The following GBE1 variants were observed in gnomAD, a reference collection of about 807,000 sequenced individuals.
GBE1 encodes 1,4-alpha-glucan branching enzyme 1, also known as 1,4-alpha-glucan-branching enzyme.
Under a neutral mutation model 88.8 loss-of-function variants are expected in GBE1, and 70 were observed. The observed-to-expected ratio is 0.79, with a 90% CI of 0.65 to 0.96. The LOEUF (loss-of-function observed/expected upper bound fraction) is 0.96. Ranked by LOEUF, GBE1 falls within the 40% of genes least tolerant of loss-of-function variation. The pLI is 0.00. For synonymous variants in GBE1, 284 were observed against 300.1 expected (o/e 0.95, Z 0.56); for missense variants, 872 against 871.0 (o/e 1.00, Z -0.01).
chr3:81,748,351 C>A (rs1412989467), intron 1 of GBE1, among the ~76,000 whole-genome samples: 1 of 152,126 alleles, frequency 6.6e-6, no homozygotes, highest in African/African-American at 2.4e-5. Flanking sequence ...GTGGCTCACG[C>A]CTATAATTAC....
chr3:81,647,536 C>G (rs1704782185), intron 5 of GBE1, among the ~76,000 whole-genome samples: 1 of 151,950 alleles, frequency 6.6e-6, no homozygotes, highest in African/African-American at 2.4e-5. Flanking sequence ...CTTAAAAAAG[C>G]TAAGAAAAAC....
chr3:81,596,146 A>G (rs1026443972), intron 7 of GBE1, among the ~76,000 whole-genome samples: 2 of 151,980 alleles, frequency 1.3e-5, no homozygotes, highest in African/African-American at 4.8e-5. Flanking sequence ...CAAAATAGTA[A>G]AGAATAAAAA....
At chr3:81,697,301 CTTTT>C (rs774202162) in intron 2 of GBE1, among the ~76,000 whole-genome samples, 1 of 141,376 alleles carries the variant, frequency 7.1e-6, no homozygotes. Context: ...CAGACAACAT[CTTTT>C]TTTTTTTTTT....
intron 14 of GBE1, among the ~76,000 whole-genome samples, chr3:81,525,482 C>A (rs1166617719): frequency 6.6e-6 from 1 of 151,988 alleles, no homozygotes; most frequent in Non-Finnish European, 1.5e-5. Flanking sequence ...GGATATTGGT[C>A]TAAAATTCTC....
chr3:81,620,454 T>A (rs914246826), intron 7 of GBE1, among the ~76,000 whole-genome samples: 1 of 152,154 alleles, frequency 6.6e-6, no homozygotes, highest in Admixed American at 6.6e-5. Context: ...GACATGGAAA[T>A]AATTTTTAAT....
At chr3:81,529,554 T>A (rs1265677566) in intron 14 of GBE1, among the ~76,000 whole-genome samples, 1 of 152,084 alleles carries the variant, frequency 6.6e-6, no homozygotes, top group Non-Finnish European at 1.5e-5. Context: ...TTCTCCTTCA[T>A]ATTTGGAGGA....
chr3:81,683,878 A>G (rs1306600957), intron 2 of GBE1, among the ~76,000 whole-genome samples: 1 of 152,220 alleles, frequency 6.6e-6, no homozygotes, highest in Non-Finnish European at 1.5e-5. Flanking sequence ...TATATCAAAT[A>G]ATATACTCCC....
rs141368447 is a variant in GBE1, at chr3:81,641,982, T to C, written c.992+799A>G. On this transcript the variant is annotated intron_variant, in intron 7 of 15. Transcript: ENST00000429644. ...ATATGTATTATAAAAATATGTATTA[T>C]ACATTACTTGATACTTTGCTTTTAA... Among the ~76,000 whole-genome samples the C allele has an allele frequency of 4.7e-3, 707 of 150,690 alleles. 5 individuals are homozygous for C. Among genetic ancestry groups the C allele is most frequent in the African/African-American group, 0.016 (650 of 41,334 alleles).
intron 1 of GBE1, among the ~76,000 whole-genome samples, chr3:81,753,506 C>T (rs781221879): frequency 1.6e-4 from 24 of 152,182 alleles, no homozygotes; most frequent in Non-Finnish European, 3.1e-4. Flanking sequence ...GCATATTTCA[C>T]AGAGACAATA....
intron 2 of GBE1, among the ~76,000 whole-genome samples, chr3:81,676,679 TGTGCAGAAC>T (rs1705259879): frequency 6.6e-6 from 1 of 152,136 alleles, no homozygotes. Flanking sequence ...CTGGGATACA[TGTGCAGAAC>T]GTGCAGGTTT....
chr3:81,585,949 C>G, intron 10 of GBE1, 143 bp downstream of exon 10: 1 of 521,010 alleles, frequency 1.9e-6, no homozygotes, highest in Non-Finnish European at 3.3e-6. Flanking sequence ...TATTAAAAAG[C>G]ATAAGAATCG....
rs757655010 is a variant in GBE1 at position 81,646,488 on chromosome 3, T to C, written c.692-6A>G. Reference sequence around the variant, plus strand: ...CAACTGAATGCAGTTGTATCCTATATAAGGCAATGGTCAAATCTAAATTAA... The same window carrying C: ...CAACTGAATGCAGTTGTATCCTATACAAGGCAATGGTCAAATCTAAATTAA... On this transcript the variant is annotated splice_region_variant and splice_polypyrimidine_tract_variant and intron_variant, in intron 5 of 15. Transcript: ENST00000429644. 13 of 1,500,098 alleles carry C rather than the reference T, an allele frequency of 8.7e-6. No homozygotes were observed. The highest frequency in any genetic ancestry group is 1.2e-5 in the Non-Finnish European group (13 of 1,096,568). The allele number at this position is 1,500,098 out of a possible 1,614,324, so 92.9% of individuals were successfully genotyped here. A position where few individuals can be genotyped will look rare whatever the true frequency, so the allele number is the denominator to read the frequency against.
chr3:81,492,161 C>G (rs1702444731), intron 15 of GBE1, among the ~76,000 whole-genome samples: 1 of 152,208 alleles, frequency 6.6e-6, no homozygotes, highest in Non-Finnish European at 1.5e-5. Flanking sequence ...AATATTACAT[C>G]CATGTAGTCA....
At chr3:81,711,262 A>C (rs1221565953) in intron 1 of GBE1, among the ~76,000 whole-genome samples, 1 of 152,214 alleles carries the variant, frequency 6.6e-6, no homozygotes, top group African/African-American at 2.4e-5. Context: ...GCTGATTTTT[A>C]AGATTTTATT....
chr3:81,681,985 A>C (rs1175847726), intron 2 of GBE1, among the ~76,000 whole-genome samples: 2 of 152,246 alleles, frequency 1.3e-5, no homozygotes, highest in Non-Finnish European at 2.9e-5. Flanking sequence ...GAAAGTGAAA[A>C]GGCAGTCCAC....
At chr3:81,597,522 G>A (rs1703976285) in intron 7 of GBE1, among the ~76,000 whole-genome samples, 1 of 144,760 alleles carries the variant, frequency 6.9e-6, no homozygotes, top group South Asian at 2.1e-4. Flanking sequence ...TGGTCACAAT[G>A]AATGTGTTTA....
intron 7 of GBE1, among the ~76,000 whole-genome samples, chr3:81,604,710 G>A (rs547206472): frequency 3.3e-5 from 5 of 152,016 alleles, no homozygotes; most frequent in Non-Finnish European, 7.4e-5. Context: ...CTAAAATAAA[G>A]GCACATAAGC....
intron 2 of GBE1, among the ~76,000 whole-genome samples, chr3:81,685,922 C>T (rs1171467825): frequency 1.3e-5 from 2 of 152,158 alleles, no homozygotes; most frequent in Non-Finnish European, 2.9e-5. Flanking sequence ...TCTTCAGCTG[C>T]TAAAATGTGT....
chr3:81,716,282 T>C (rs1705936035), intron 1 of GBE1, among the ~76,000 whole-genome samples: 1 of 152,188 alleles, frequency 6.6e-6, no homozygotes, highest in African/African-American at 2.4e-5. Flanking sequence ...GTTATGGTTA[T>C]GAAGAGATCA....
Sources: allele counts gnomAD v4.1 joint callset (sites outside exome capture counted in the v4.1 genomes callset), GRCh38; gene constraint gnomAD v4.1.1; transcripts MANE v1.5; gene names NCBI Gene and HGNC (gene_info 2026-07-23, HGNC 2026-07-21).